The following ZSWIM5 variants were observed in gnomAD, a reference collection of about 807,000 sequenced individuals.
The protein encoded by ZSWIM5 is zinc finger SWIM-type containing 5.
ZSWIM5 carries 55 observed loss-of-function variants against 119.6 expected under a neutral mutation model. That is an observed-to-expected ratio of 0.46 (90% confidence interval 0.37 to 0.58). The LOEUF (loss-of-function observed/expected upper bound fraction) is 0.58, where lower values mean the gene tolerates loss of function less well. Ranked by LOEUF, ZSWIM5 falls within the 20% of genes least tolerant of loss-of-function variation. ZSWIM5 has a pLI of 0.00. For synonymous variants in ZSWIM5, 537 were observed against 606.9 expected, an observed-to-expected ratio of 0.88 and a Z score of 1.69; for missense variants, 1,193 against 1,512.8, an observed-to-expected ratio of 0.79 and a Z score of 3.51.
At chr1:45,035,536 T>G (rs1177649177) in intron 10 of ZSWIM5, 152 bp downstream of exon 10, 2 of 1,015,190 alleles carry the variant, frequency 2.0e-6, no homozygotes, top group Non-Finnish European at 2.8e-6. Flanking sequence ...CTAGATCATA[T>G]AAAAATATCT....
In ZSWIM5 at chr1:45,205,720, G is replaced by A. The variant is rs377080712; in HGVS notation, c.595+36C>T. On this transcript the variant is annotated intron_variant, in intron 1 of 13. Transcript: ENST00000359600. ...GAGAAGAGGCACCCGCGGAAGAGGA[G>A]GCTGAGGACCCGAGAACGCCTGGAC... 156 of 1,508,654 alleles carry A rather than the reference G, an allele frequency of 1.0e-4. No individual in the cohort carries two copies. In the African/African-American group the frequency reaches 2.1e-3, roughly 21 times the overall value. The allele number at this position is 1,508,654 out of a possible 1,614,324, so 93.5% of individuals were successfully genotyped here. A position where few individuals can be genotyped will look rare whatever the true frequency, so the allele number is the denominator to read the frequency against.
At chr1:45,134,086 C>T (rs1265887214) in intron 1 of ZSWIM5, among the ~76,000 whole-genome samples, 2 of 152,054 alleles carry the variant, frequency 1.3e-5, no homozygotes, top group African/African-American at 4.8e-5. Flanking sequence ...ATTGTCTTGG[C>T]GATGCGGGCT....
At chr1:45,160,822 AT>A (rs36092606) in intron 1 of ZSWIM5, among the ~76,000 whole-genome samples, 158 of 126,968 alleles carry the variant, frequency 1.2e-3, no homozygotes, top group Middle Eastern at 8.1e-3. Flanking sequence ...TGCCTGGGTA[AT>A]TTTTTTTTTT....
In ZSWIM5 at chr1:45,190,152, G is replaced by GA. The variant is rs545534427; in HGVS notation, c.595+15603dup. ...AACATGGAAAAACCCTGTCTCCACA[G>GA]AAAAAATATAAAAATTAGCCAAATT... On this transcript the variant is annotated intron_variant, in intron 1 of 13. Transcript: ENST00000359600. Among the ~76,000 whole-genome samples the GA allele has an allele frequency of 4.1e-3, 620 of 152,078 alleles. 1 individual carries two copies. The highest frequency in any genetic ancestry group is 0.015 in the African/African-American group (602 of 41,484).
chr1:45,105,198 C>T (rs1369155213), intron 1 of ZSWIM5, among the ~76,000 whole-genome samples: 1 of 152,166 alleles, frequency 6.6e-6, no homozygotes, highest in Non-Finnish European at 1.5e-5. Flanking sequence ...GTGATCTCCC[C>T]GCCTCAGCCT....
intron 4 of ZSWIM5, 60 bp from the exon 5 acceptor site, chr1:45,051,313 A>G: frequency 7.0e-7 from 1 of 1,438,392 alleles, no homozygotes; most frequent in Non-Finnish European, 9.3e-7. Flanking sequence ...TGTAAGCCTT[A>G]ATGTTTCAGT....
At chr1:45,077,116 A>G (rs543549674) in intron 2 of ZSWIM5, among the ~76,000 whole-genome samples, 16 of 152,094 alleles carry the variant, frequency 1.1e-4, no homozygotes, top group Non-Finnish European at 2.1e-4. Context: ...CCTTTAGTTC[A>G]TTTGATGAGG....
intron 7 of ZSWIM5, 49 bp downstream of exon 7, chr1:45,040,343 C>T: frequency 6.6e-7 from 1 of 1,505,406 alleles, no homozygotes; most frequent in East Asian, 2.4e-5. Flanking sequence ...CCTGAGGATC[C>T]TCATCAGCTT....
At chr1:45,114,545 T>C (rs1250730939) in intron 1 of ZSWIM5, among the ~76,000 whole-genome samples, 1 of 152,150 alleles carries the variant, frequency 6.6e-6, no homozygotes, top group Admixed American at 6.5e-5. Flanking sequence ...ACTTCAATAC[T>C]TCCTTTTTCA....
Position 45,018,922 on chromosome 1 carries a change from G to C in ZSWIM5, c.3090C>G (p.Ala1030=), listed in dbSNP as rs1193426547. The change falls in exon 14 of 14, where the codon GCC becomes GCG. Residue 1030 remains alanine, a synonymous_variant. Coordinates refer to ENST00000359600, the MANE Select transcript of ZSWIM5 (RefSeq NM_020883.2). This position sits in a 1 kb window ranked among gnomAD's most constrained non-coding sequence, Gnocchi z 6.7. ...TGGCTGGGTGAGTATCCTGGTTGTA[G>C]GCCAGGTTAAGATGGCTCATGGCCA... ...ASLAMSHLNL[A]YNQDTHPAIN... 5 of 1,614,242 alleles carry C rather than the reference G, an allele frequency of 3.1e-6. No individual in the cohort carries two copies. The highest frequency in any genetic ancestry group is 1.7e-6 in the Non-Finnish European group (2 of 1,180,042).
chr1:45,115,836 C>T (rs923147378), intron 1 of ZSWIM5, among the ~76,000 whole-genome samples: 1 of 151,840 alleles, frequency 6.6e-6, no homozygotes, highest in African/African-American at 2.4e-5. Context: ...ACACTCCTCA[C>T]TTCCCAGACG....
At chr1:45,075,129 A>C (rs1645248509) in intron 2 of ZSWIM5, among the ~76,000 whole-genome samples, 1 of 151,998 alleles carries the variant, frequency 6.6e-6, no homozygotes, top group Non-Finnish European at 1.5e-5. Context: ...GTAACTTAAC[A>C]TGTGGTCTAT....
intron 1 of ZSWIM5, among the ~76,000 whole-genome samples, chr1:45,098,329 T>A (rs1231799927): frequency 6.6e-6 from 1 of 152,172 alleles, no homozygotes; most frequent in African/African-American, 2.4e-5. Flanking sequence ...TTCTGCCTCC[T>A]AAATATTTTT....
rs1483269961 is a variant in ZSWIM5 at position 45,206,495 on chromosome 1, G to C, written c.-145C>G. ...AGAGAACCCGCGAGCCAGCCGGCCC[G>C]AGTGGGGAACCGCGGCCGGGCCCGG... On this transcript the variant is annotated 5_prime_UTR_variant, in exon 1 of 14. Transcript: ENST00000359600. 4 of 1,149,498 alleles carry C rather than the reference G, an allele frequency of 3.5e-6. No individual in the cohort carries two copies. The highest frequency in any genetic ancestry group is 7.2e-4 in the Middle Eastern group (2 of 2,766). The allele number at this position is 1,149,498 out of a possible 1,614,324, so 71.2% of individuals were successfully genotyped here.
rs1370872190 is a variant in ZSWIM5 at position 45,018,443 on chromosome 1, T to C, written c.*11A>G. 2 of 1,610,222 alleles carry C rather than the reference T, an allele frequency of 1.2e-6. No homozygotes were observed. The highest frequency in any genetic ancestry group is 1.7e-6 in the Non-Finnish European group (2 of 1,177,664). ...AACCCAGGCTGCTCTGGCAGTGAGC[T>C]ATCTGCTCTCTCAGCCAAAGCGCTC... On this transcript the variant is annotated 3_prime_UTR_variant, in exon 14 of 14. Transcript: ENST00000359600. This position sits in a 1 kb window ranked among gnomAD's most constrained non-coding sequence, Gnocchi z 6.7.
At chr1:45,116,138 A>G (rs1645556383) in intron 1 of ZSWIM5, among the ~76,000 whole-genome samples, 1 of 151,948 alleles carries the variant, frequency 6.6e-6, no homozygotes, top group Non-Finnish European at 1.5e-5. Context: ...GGAGGGGGAG[A>G]GGGCTCTATA....
intron 2 of ZSWIM5, among the ~76,000 whole-genome samples, chr1:45,077,349 C>T (rs1214708760): frequency 1.3e-5 from 2 of 152,162 alleles, no homozygotes; most frequent in East Asian, 1.9e-4. Flanking sequence ...TAAAGCTGGG[C>T]GTCTGGGGGA....
Position 45,051,637 on chromosome 1 carries a change from C to T in ZSWIM5, c.1253-384G>A, listed in dbSNP as rs572120247. 5.3e-5 allele frequency among the ~76,000 whole-genome samples: 8 copies of T among 152,258 alleles called. No homozygotes were observed. The South Asian group carries it at 6.2e-4, about 12-fold the overall frequency. On this transcript the variant is annotated intron_variant, in intron 4 of 13. Transcript: ENST00000359600. ...GGAGACAGATAAATAAACATAATTC[C>T]ATTTGAATATGATAAGTATTAAGAT...
intron 1 of ZSWIM5, among the ~76,000 whole-genome samples, chr1:45,171,438 T>A (rs529035695): frequency 2.2e-4 from 33 of 152,182 alleles, no homozygotes; most frequent in African/African-American, 7.9e-4. Flanking sequence ...CCTACAGTGG[T>A]AGGTAACTGA....
Sources: gnomAD v4.1 joint callset for allele counts (sites outside exome capture counted in the v4.1 genomes callset) on GRCh38, gnomAD v4.1.1 for gene constraint, Gnocchi (gnomAD v3.1) non-coding constraint, MANE v1.5 for transcripts, NCBI Gene and HGNC (gene_info 2026-07-23, HGNC 2026-07-21) for gene names.